The following IL21R variants were observed in gnomAD, a reference collection of about 807,000 sequenced individuals.
IL21R encodes interleukin-21 receptor.
IL21R carries 14 observed loss-of-function variants against 41.3 expected under a neutral mutation model. That is an observed-to-expected ratio of 0.34 (90% confidence interval 0.22 to 0.53). The LOEUF is 0.53. Among genes scored for constraint, IL21R ranks in the 20% least tolerant of loss-of-function variants. The pLI is 0.94. For missense variants in IL21R, 588 were observed against 681.6 expected, an observed-to-expected ratio of 0.86 and a Z score of 1.53; for synonymous variants, 286 against 287.6, an observed-to-expected ratio of 0.99 and a Z score of 0.05.
chr16:27,445,329 C>G, intron 7 of IL21R, 53 bp downstream of exon 7: 6 of 1,132,164 alleles, frequency 5.3e-6, no homozygotes, highest in Non-Finnish European at 8.0e-6. Context: ...GGCCACTGCC[C>G]CTGTATGATA....
In IL21R at chr16:27,437,502, A is replaced by G. The variant is rs1400753171; in HGVS notation, c.167A>G (p.Glu56Gly). 1 of 1,613,690 alleles carries G rather than the reference A, an allele frequency of 6.2e-7. No individual in the cohort carries two copies. The highest frequency in any genetic ancestry group is 8.5e-7 in the Non-Finnish European group (1 of 1,180,028). ...TGTCCTTGAAGGCAAGACCAGTATGAAGAGCTGAAGGACGAGGCCACCTCC... is the reference window on the plus strand; with the variant it reads ...TGTCCTTGAAGGCAAGACCAGTATGGAGAGCTGAAGGACGAGGCCACCTCC... ...TLTLTWQDQYEELKDEATSCS... is the reference protein window; with the variant it reads ...TLTLTWQDQYGELKDEATSCS... Residue 56 changes from glutamate to glycine, a missense_variant, in exon 4 of 9, where the codon GAA becomes GGA. Glu to Gly is a moderately conservative substitution (Grantham distance 98). Coordinates refer to ENST00000337929, the MANE Select transcript of IL21R (RefSeq NM_181078.3).
rs926286373 is a variant in IL21R at position 27,449,259 on chromosome 16, G to C, written c.1593G>C (p.Ser531=). 1.9e-6 allele frequency: 3 copies of C among 1,606,680 alleles called. No individual in the cohort carries two copies. Among genetic ancestry groups the C allele is most frequent in the Non-Finnish European group, 2.5e-6 (3 of 1,176,924 alleles). ...RQWVVIPPPL[S]SPGPQAS ...GGGTGGTCATTCCTCCGCCACTTTC[G>C]AGCCCTGGACCCCAGGCCAGCTAAT... The change falls in exon 9 of 9, where the codon TCG becomes TCC. Residue 531 remains serine (S), a synonymous_variant. Transcript: ENST00000337929.
chr16:27,446,186 G>A (rs541244953), intron 8 of IL21R, 98 bp downstream of exon 8: 2 of 909,254 alleles, frequency 2.2e-6, no homozygotes, highest in East Asian at 2.8e-5. Flanking sequence ...CACCCCACAG[G>A]CCTAGAGCAT....
rs150072030 is a variant in IL21R at position 27,438,518 on chromosome 16, G to C, written c.352+831G>C. Among the ~76,000 whole-genome samples the C allele has an allele frequency of 1.8e-3, 275 of 151,618 alleles. 1 individual carries two copies. Among genetic ancestry groups the C allele is most frequent in the African/African-American group, 5.5e-3 (227 of 41,340 alleles). On this transcript the variant is annotated intron_variant, in intron 4 of 8. Coordinates refer to ENST00000337929, the MANE Select transcript of IL21R (RefSeq NM_181078.3). ...GGCAGGAGGATTGCTTGAACCTGGG[G>C]CTTTAAGACCAACCTGGGCAATATA...
chr16:27,446,046 G>A lies in IL21R; in HGVS notation c.825G>A (p.Arg275=). The change falls in exon 8 of 9, where the codon CGG becomes CGA. Residue 275 remains arginine, a synonymous_variant. Transcript: ENST00000337929. ...KKIWAVPSPE[R]FFMPLYKGCS... Reference sequence around the variant, plus strand: ...TATGGGCCGTCCCCAGCCCTGAGCGGTTCTTCATGCCCCTGTACAAGGGCT... The same window carrying A: ...TATGGGCCGTCCCCAGCCCTGAGCGATTCTTCATGCCCCTGTACAAGGGCT... 6.2e-7 allele frequency: 1 copy of A among 1,613,788 alleles called. No individual in the cohort carries two copies. Among genetic ancestry groups the A allele is most frequent in the South Asian group, 1.1e-5 (1 of 91,028 alleles).
intron 1 of IL21R, among the ~76,000 whole-genome samples, chr16:27,427,922 T>C (rs2087105518): frequency 6.6e-6 from 1 of 152,230 alleles, no homozygotes; most frequent in Admixed American, 6.5e-5. Flanking sequence ...AGTAGTGATG[T>C]TATTGCTTAG....
intron 1 of IL21R, among the ~76,000 whole-genome samples, chr16:27,418,729 A>G (rs906125303): frequency 1.3e-4 from 20 of 152,292 alleles, no homozygotes; most frequent in African/African-American, 4.1e-4. Flanking sequence ...CACTTTTGTA[A>G]TAACAGTTAT....
At position 27,426,625 on chromosome 16, in the gene IL21R, G is replaced by A. The variant is rs542955639; in HGVS notation, c.-16-3431G>A. The stretch of plus-strand genomic sequence containing the variant: ...CAGCCAGTAATGGCAGGAAACCCGT[G>A]CACTGGTACAGCACTTCACAGTCCG... On this transcript the variant is annotated intron_variant, in intron 1 of 8. Transcript: ENST00000337929. Among the ~76,000 whole-genome samples, 98 of 152,384 alleles carry A rather than the reference G, an allele frequency of 6.4e-4. 1 individual carries two copies. Among genetic ancestry groups the A allele is most frequent in the African/African-American group, 2.0e-3 (85 of 41,588 alleles).
Position 27,451,408 on chromosome 16 carries a change from C to A in IL21R, c.*2125C>A, listed in dbSNP as rs923263513. 1 of 224,192 alleles carries A rather than the reference C, an allele frequency of 4.5e-6. No individual in the cohort carries two copies. Among genetic ancestry groups the A allele is most frequent in the Non-Finnish European group, 8.9e-6 (1 of 112,446 alleles). The allele number at this position is 224,192 out of a possible 1,614,324, so 13.9% of individuals were successfully genotyped here. ...TTGAAGGGAACTCAGCTTATAAACA[C>A]AGAGGAGCAAAGTTGGAGGGCCGGG... On this transcript the variant is annotated 3_prime_UTR_variant, in exon 9 of 9. Transcript: ENST00000337929.
At chr16:27,440,248 T>TATATAGAGAGAGAGAGAGAG (rs1352160946) in intron 4 of IL21R, among the ~76,000 whole-genome samples, 11 of 64,044 alleles carry the variant, frequency 1.7e-4, no homozygotes, top group East Asian at 3.6e-4. Context: ...TATATATATA[T>TATATAGAGAGAGAGAGAGAG]AGAGAGAGAG....
chr16:27,424,221 CCCA>C (rs1402927459), intron 1 of IL21R, among the ~76,000 whole-genome samples: 2 of 152,048 alleles, frequency 1.3e-5, no homozygotes. Context: ...ATTACAGGTG[CCCA>C]CCACCACACC....
intron 1 of IL21R, among the ~76,000 whole-genome samples, chr16:27,408,929 G>A (rs1466742996): frequency 6.6e-6 from 1 of 152,138 alleles, no homozygotes; most frequent in African/African-American, 2.4e-5. Context: ...AGTGTGGGGA[G>A]GTTGTAAATA....
At chr16:27,408,836 G>T (rs967828456) in intron 1 of IL21R, among the ~76,000 whole-genome samples, 4 of 152,080 alleles carry the variant, frequency 2.6e-5, no homozygotes, top group African/African-American at 9.7e-5. Context: ...GAGAATGGCC[G>T]ACTTGAGGAA....
chr16:27,449,209 C>G lies in IL21R; in HGVS notation c.1543C>G (p.Pro515Ala). The part of the protein sequence containing the change: ...CDFTSPGDEG[P>A]PRSYLRQWVV... The stretch of plus-strand genomic sequence containing the variant: ...CTTCACCAGCCCCGGGGACGAAGGA[C>G]CCCCCCGGAGCTACCTCCGCCAGTG... Residue 515 changes from proline (P) to alanine (A), a missense_variant, in exon 9 of 9, where the codon CCC becomes GCC. By Grantham distance (27) the Pro-to-Ala change is conservative. Transcript: ENST00000337929. 1 of 1,612,288 alleles carries G rather than the reference C, an allele frequency of 6.2e-7. No homozygotes were observed. The highest frequency in any genetic ancestry group is 1.1e-5 in the South Asian group (1 of 91,038).
chr16:27,427,686 A>C (rs1182590586), intron 1 of IL21R, among the ~76,000 whole-genome samples: 1 of 152,144 alleles, frequency 6.6e-6, no homozygotes, highest in Non-Finnish European at 1.5e-5. Flanking sequence ...TCAAGATAAA[A>C]CCATCAGGGA....
chr16:27,406,110 T>A (rs914750401), intron 1 of IL21R, among the ~76,000 whole-genome samples: 3 of 152,224 alleles, frequency 2.0e-5, no homozygotes, highest in Non-Finnish European at 4.4e-5. Flanking sequence ...TTGCCAACTT[T>A]CCCCAGAATG....
intron 1 of IL21R, among the ~76,000 whole-genome samples, chr16:27,418,312 C>A (rs1019002014): frequency 6.6e-6 from 1 of 151,844 alleles, no homozygotes. Context: ...TTGTGATCTG[C>A]CCGTCTCGCC....
At chr16:27,446,145 C>G in intron 8 of IL21R, 57 bp downstream of exon 8, 1 of 1,437,332 alleles carries the variant, frequency 7.0e-7, no homozygotes, top group East Asian at 2.3e-5. Context: ...TTCAGGAGCC[C>G]CACCTCCCCT....
chr16:27,416,989 T>C (rs2086900345), intron 1 of IL21R, among the ~76,000 whole-genome samples: 1 of 152,226 alleles, frequency 6.6e-6, no homozygotes, highest in South Asian at 2.1e-4. Flanking sequence ...TTCTACTGCA[T>C]GGATATACTA....
Sources: gnomAD v4.1 joint callset for allele counts (sites outside exome capture counted in the v4.1 genomes callset) on GRCh38, gnomAD v4.1.1 for gene constraint, MANE v1.5 for transcripts, NCBI Gene and HGNC (gene_info 2026-07-23, HGNC 2026-07-21) for gene names.